The following CADM1 variants were observed in gnomAD, a reference collection of about 807,000 sequenced individuals.
CADM1 encodes cell adhesion molecule 1, also known as TSLC-1.
Under a neutral mutation model 53.1 loss-of-function variants are expected in CADM1, and 15 were observed. That is an observed-to-expected ratio of 0.28 (90% CI 0.19 to 0.44). CADM1 has a LOEUF of 0.44. CADM1 is among the 20% of genes least tolerant of loss of function. The pLI is 1.00. For synonymous variants in CADM1, 281 were observed against 243.0 expected (o/e 1.16, Z -1.45); for missense variants, 434 against 611.3 (o/e 0.71, Z 3.06).
chr11:115,224,838 C>A (rs751546548), intron 5 of CADM1, among the ~76,000 whole-genome samples: 3 of 152,172 alleles, frequency 2.0e-5, no homozygotes, highest in Admixed American at 6.5e-5. Flanking sequence ...TACATTCCCT[C>A]AGATCTGAAG....
Position 115,307,452 on chromosome 11 carries a change from C to T in CADM1, c.125-67032G>A, listed in dbSNP as rs1469780714. ...GACAAGAAGACAAAAAATATAAATA[C>T]AAAATTTAAAAATCAGAAGAACATT... On this transcript the variant is annotated intron_variant, in intron 1 of 11. Coordinates refer to ENST00000331581, the MANE Select transcript of CADM1 (RefSeq NM_001301043.2). 2.7e-5 allele frequency among the ~76,000 whole-genome samples: 4 copies of T among 148,806 alleles called. No homozygotes were observed. In the East Asian group the frequency reaches 5.9e-4, roughly 22 times the overall value.
rs545367826 is a variant in CADM1, at chr11:115,402,500, G to A, written c.124+101771C>T. On this transcript the variant is annotated intron_variant, in intron 1 of 11. Transcript: ENST00000331581. Reference sequence around the variant, plus strand: ...ATCATGCCACTGCCCTCCAGCCTGGGCGATAGAGTGAGACTCTGTCTCAAA... The same window carrying A: ...ATCATGCCACTGCCCTCCAGCCTGGACGATAGAGTGAGACTCTGTCTCAAA... 5.3e-5 allele frequency among the ~76,000 whole-genome samples: 8 copies of A among 152,246 alleles called. No individual in the cohort carries two copies. In the South Asian group the frequency reaches 1.7e-3, roughly 32 times the overall value.
chr11:115,232,958 A>C (rs1941875872), intron 3 of CADM1, among the ~76,000 whole-genome samples: 1 of 152,236 alleles, frequency 6.6e-6, no homozygotes, highest in African/African-American at 2.4e-5. Context: ...TGCTTCAATA[A>C]ATTATGGTAT....
chr11:115,460,698 AG>A (rs1948775996), intron 1 of CADM1, among the ~76,000 whole-genome samples: 1 of 151,974 alleles, frequency 6.6e-6, no homozygotes, highest in Non-Finnish European at 1.5e-5. Flanking sequence ...CCCTTTTCTC[AG>A]CTCTGGTGAC....
chr11:115,242,991 T>C (rs897564687), intron 1 of CADM1, among the ~76,000 whole-genome samples: 1 of 152,188 alleles, frequency 6.6e-6, no homozygotes, highest in Non-Finnish European at 1.5e-5. Context: ...AACATGTATA[T>C]AGGGGATGGG....
chr11:115,194,051 A>C (rs796570701), intron 9 of CADM1: 1 of 152,224 alleles, frequency 6.6e-6, no homozygotes, highest in Non-Finnish European at 1.5e-5. Context: ...TCCAAACTGC[A>C]TATCAAGGCT....
At position 115,403,959 on chromosome 11, in the gene CADM1, GA is replaced by G. The variant is rs879527653; in HGVS notation, c.124+100311del. ...TTTCAAAAACAAAAGTCAGTTTTTA[GA>G]AAAAAAAAAAGTATTTTTTTATGTG... On this transcript the variant is annotated intron_variant, in intron 1 of 11. Transcript: ENST00000331581. Among the ~76,000 whole-genome samples the G allele has an allele frequency of 1.2e-3, 162 of 140,618 alleles. 1 individual carries two copies. Among genetic ancestry groups the G allele is most frequent in the Middle Eastern group, 3.5e-3 (1 of 282 alleles). 92.3% of individuals were successfully genotyped at this position (140,618 alleles called of 152,430 possible). A position where few individuals can be genotyped will look rare whatever the true frequency, so the allele number is the denominator to read the frequency against.
chr11:115,373,311 G>A (rs2027615), intron 1 of CADM1, among the ~76,000 whole-genome samples: 65,633 of 151,970 alleles, frequency 0.43, 16,002 homozygotes, highest in Non-Finnish European at 0.57. Flanking sequence ...TTGGCCAGGC[G>A]CACTGGCTCA....
At chr11:115,289,102 C>T (rs1006115238) in intron 1 of CADM1, among the ~76,000 whole-genome samples, 2 of 152,306 alleles carry the variant, frequency 1.3e-5, no homozygotes, top group South Asian at 2.1e-4. Flanking sequence ...CGGTGGCTCA[C>T]GCCTATAATC....
intron 1 of CADM1, among the ~76,000 whole-genome samples, chr11:115,330,702 C>T (rs946339322): frequency 6.6e-5 from 10 of 152,174 alleles, no homozygotes; most frequent in Non-Finnish European, 1.2e-4. Flanking sequence ...CAAGAAAATC[C>T]TACACTAGTG....
intron 1 of CADM1, among the ~76,000 whole-genome samples, chr11:115,289,593 C>CTTTTTTTT (rs56766047): frequency 8.3e-5 from 9 of 109,028 alleles, no homozygotes; most frequent in South Asian, 3.2e-4. Flanking sequence ...CTTTTTTTTT[C>CTTTTTTTT]TTTTTTTTTT....
chr11:115,274,945 C>T (rs567638311), intron 1 of CADM1, among the ~76,000 whole-genome samples: 1 of 152,116 alleles, frequency 6.6e-6, no homozygotes, highest in African/African-American at 2.4e-5. Flanking sequence ...GTCTCAAGGC[C>T]GTTTGCTGCC....
intron 8 of CADM1, among the ~76,000 whole-genome samples, chr11:115,201,279 G>A (rs996785647): frequency 1.3e-5 from 2 of 152,162 alleles, no homozygotes; most frequent in African/African-American, 4.8e-5. Flanking sequence ...GGGAGTCACT[G>A]ACTCCATTTC....
At chr11:115,270,238 CA>C (rs1415862201) in intron 1 of CADM1, among the ~76,000 whole-genome samples, 5 of 152,102 alleles carry the variant, frequency 3.3e-5, no homozygotes, top group African/African-American at 1.2e-4. Context: ...GCCTAAAGGG[CA>C]ACATATTTAT....
chr11:115,241,962 A>T (rs1052971327), intron 1 of CADM1, among the ~76,000 whole-genome samples: 1 of 151,576 alleles, frequency 6.6e-6, no homozygotes, highest in Non-Finnish European at 1.5e-5. Flanking sequence ...TTTCTGTTGA[A>T]GGATCCTTTT....
chr11:115,211,389 T>TCTGTTTTG (rs1940950525), intron 7 of CADM1, among the ~76,000 whole-genome samples: 1 of 152,110 alleles, frequency 6.6e-6, no homozygotes. Flanking sequence ...ATGTGATTTT[T>TCTGTTTTG]CTGTTTTGCT....
chr11:115,463,547 G>C (rs897386983), intron 1 of CADM1, among the ~76,000 whole-genome samples: 1 of 152,130 alleles, frequency 6.6e-6, no homozygotes, highest in Non-Finnish European at 1.5e-5. Flanking sequence ...TTTCAGAATT[G>C]TATTATAGGA....
chr11:115,502,076 T>C (rs1949738324), intron 1 of CADM1, among the ~76,000 whole-genome samples: 1 of 152,200 alleles, frequency 6.6e-6, no homozygotes. Context: ...AGAATTTTCA[T>C]GTAGCTTTGA....
intron 1 of CADM1, among the ~76,000 whole-genome samples, chr11:115,372,373 CT>C (rs559412847): frequency 6.6e-6 from 1 of 152,004 alleles, no homozygotes; most frequent in African/African-American, 2.4e-5. Context: ...TGAATTCTTT[CT>C]TTTTAAGAGT....
Sources: allele counts gnomAD v4.1 joint callset (sites outside exome capture counted in the v4.1 genomes callset), GRCh38; gene constraint gnomAD v4.1.1; transcripts MANE v1.5; gene names NCBI Gene and HGNC (gene_info 2026-07-23, HGNC 2026-07-21).